ATAD2: variants seen among roughly 807,000 people sequenced by gnomAD.
ATAD2 encodes ATPase family AAA domain-containing protein 2.
Under a neutral mutation model 168.9 loss-of-function variants are expected in ATAD2, and 62 were observed. The observed-to-expected ratio is 0.37, with a 90% CI of 0.30 to 0.45. ATAD2 has a LOEUF of 0.45. Among genes scored for constraint, ATAD2 ranks in the 20% least tolerant of loss-of-function variants. ATAD2 has a pLI of 1.00. For synonymous variants in ATAD2, 613 were observed against 571.6 expected, an observed-to-expected ratio of 1.07 and a Z score of -1.03; for missense variants, 1,419 against 1,667.8, an observed-to-expected ratio of 0.85 and a Z score of 2.60.
At chr8:123,393,410 C>T (rs1176648242) in intron 1 of ATAD2, among the ~76,000 whole-genome samples, 3 of 151,714 alleles carry the variant, frequency 2.0e-5, no homozygotes, top group South Asian at 2.1e-4. Context: ...ACTTAGAAGG[C>T]TGAGGTGGAG....
chr8:123,347,671 TCA>T (rs141203883), intron 15 of ATAD2, among the ~76,000 whole-genome samples: 3,513 of 152,154 alleles, frequency 0.023, 141 homozygotes, highest in African/African-American at 0.081. Flanking sequence ...AGTTTTAAAA[TCA>T]CACAGACTAG....
chr8:123,405,120 T>C (rs958843464), intron 1 of ATAD2, among the ~76,000 whole-genome samples: 5 of 152,198 alleles, frequency 3.3e-5, no homozygotes, highest in African/African-American at 1.2e-4. Flanking sequence ...CTCAATCCCA[T>C]GGTAGTGAAA....
intron 24 of ATAD2, among the ~76,000 whole-genome samples, chr8:123,331,872 G>A (rs1827782721): frequency 6.6e-6 from 1 of 152,176 alleles, no homozygotes; most frequent in Non-Finnish European, 1.5e-5. Context: ...AGATACTCAT[G>A]AAACTTGAGC....
chr8:123,405,587 C>T (rs1813058019), intron 1 of ATAD2, among the ~76,000 whole-genome samples: 1 of 152,216 alleles, frequency 6.6e-6, no homozygotes, highest in Admixed American at 6.5e-5. Flanking sequence ...CTGATTTATA[C>T]TATACAAGTA....
At chr8:123,347,813 A>G (rs577984676) in intron 15 of ATAD2, among the ~76,000 whole-genome samples, 5 of 152,334 alleles carry the variant, frequency 3.3e-5, no homozygotes, top group African/African-American at 7.2e-5. Flanking sequence ...ATTACATGAA[A>G]TAATATATGT....
At chr8:123,411,449 C>T (rs1813156122) in intron 1 of ATAD2, among the ~76,000 whole-genome samples, 2 of 152,146 alleles carry the variant, frequency 1.3e-5, no homozygotes, top group African/African-American at 4.8e-5. Context: ...GACTGAGAGA[C>T]AGGACTAGCT....
chr8:123,338,714 TAAAG>T (rs1411419928), intron 20 of ATAD2, among the ~76,000 whole-genome samples: 1 of 152,102 alleles, frequency 6.6e-6, no homozygotes, highest in Non-Finnish European at 1.5e-5. Flanking sequence ...GGCTTCATAA[TAAAG>T]AATAAATGAG....
intron 1 of ATAD2, among the ~76,000 whole-genome samples, chr8:123,388,018 A>AGTTT (rs1829694693): frequency 6.6e-6 from 1 of 152,128 alleles, no homozygotes; most frequent in African/African-American, 2.4e-5. Context: ...TATAGTTGTG[A>AGTTT]TATCCTTCCT....
chr8:123,396,120 C>T lies in ATAD2; in HGVS notation c.171+67G>A, dbSNP rs373225936. ...GGCGCCGCCCACCCCCAGGCCCCTC[C>T]GAGCGCCGGGCTGCCGGCAGTCCCC... is the stretch of plus-strand genomic sequence containing the variant. On this transcript the variant is annotated intron_variant, in intron 1 of 27. Transcript: ENST00000287394. 1.6e-3 allele frequency: 2,337 copies of T among 1,470,758 alleles called. 41 individuals are homozygous for T. In the African/African-American group the frequency reaches 0.03, roughly 19 times the overall value. The allele number at this position is 1,470,758 out of a possible 1,614,324, so 91.1% of individuals were successfully genotyped here.
chr8:123,401,470 T>C (rs569888479), intron 1 of ATAD2: 38 of 1,538,812 alleles, frequency 2.5e-5, no homozygotes, highest in Non-Finnish European at 3.0e-5. Context: ...CTCCAGGTGA[T>C]TGGGGGGAAC....
chr8:123,393,842 G>T (rs888876087), intron 1 of ATAD2, among the ~76,000 whole-genome samples: 1 of 151,958 alleles, frequency 6.6e-6, no homozygotes, highest in Non-Finnish European at 1.5e-5. Flanking sequence ...ACTTGAACCC[G>T]GGAGGCGGAA....
intron 13 of ATAD2, among the ~76,000 whole-genome samples, chr8:123,349,874 T>TAAAAAAA (rs397891535): frequency 7.3e-6 from 1 of 137,190 alleles, no homozygotes; most frequent in African/African-American, 2.7e-5. Context: ...CCATCTCTAT[T>TAAAAAAA]AAAAAAAAAA....
At chr8:123,385,192 G>C (rs1829612896) in intron 1 of ATAD2, among the ~76,000 whole-genome samples, 1 of 152,074 alleles carries the variant, frequency 6.6e-6, no homozygotes, top group African/African-American at 2.4e-5. Flanking sequence ...TGATGAGCAT[G>C]CTAACACTGA....
intron 2 of ATAD2, among the ~76,000 whole-genome samples, chr8:123,378,318 A>C (rs1269614250): frequency 6.6e-6 from 1 of 152,208 alleles, no homozygotes; most frequent in East Asian, 1.9e-4. Context: ...AATATGTATT[A>C]AAAGAATGAT....
intron 18 of ATAD2, 46 bp downstream of exon 18, chr8:123,346,040 C>A: frequency 7.4e-7 from 1 of 1,358,112 alleles, no homozygotes; most frequent in South Asian, 2.0e-5. Context: ...TTAGCTTTTG[C>A]CTCTGAAAGC....
intron 18 of ATAD2, among the ~76,000 whole-genome samples, chr8:123,345,352 T>C (rs1431457132): frequency 6.6e-6 from 1 of 152,076 alleles, no homozygotes; most frequent in Non-Finnish European, 1.5e-5. Context: ...AAATATAAAA[T>C]ATTTTTATGT....
intron 13 of ATAD2, among the ~76,000 whole-genome samples, chr8:123,351,719 T>G (rs1586874848): frequency 6.6e-6 from 1 of 152,046 alleles, no homozygotes. Context: ...AGGTGACCAG[T>G]TGAATTAAAA....
chr8:123,353,145 CTT>C (rs1485074027), intron 13 of ATAD2, among the ~76,000 whole-genome samples: 1 of 152,092 alleles, frequency 6.6e-6, no homozygotes, highest in Non-Finnish European at 1.5e-5. Flanking sequence ...AGGTAGATCT[CTT>C]GAGGCCAGGA....
chr8:123,342,257 T>C (rs1472709435), intron 19 of ATAD2, among the ~76,000 whole-genome samples: 2 of 152,180 alleles, frequency 1.3e-5, no homozygotes, highest in Admixed American at 1.3e-4. Context: ...TTAATAGCCC[T>C]AATGAATATA....
Sources: allele counts gnomAD v4.1 joint callset (sites outside exome capture counted in the v4.1 genomes callset), GRCh38; gene constraint gnomAD v4.1.1; transcripts MANE v1.5; gene names NCBI Gene and HGNC (gene_info 2026-07-23, HGNC 2026-07-21).